The following FRMPD4 variants were observed in gnomAD, a reference collection of about 807,000 sequenced individuals.
FRMPD4 encodes the protein FERM and PDZ domain-containing protein 4.
Under a neutral mutation model 94.1 loss-of-function variants are expected in FRMPD4, and 22 were observed. The observed-to-expected ratio is 0.23, with a 90% confidence interval of 0.17 to 0.33. FRMPD4 has a LOEUF of 0.33. Ranked by LOEUF, FRMPD4 falls within the 10% of genes least tolerant of loss-of-function variation. The pLI is 1.00. For missense variants in FRMPD4, 1,111 were observed against 1,339.9 expected, an observed-to-expected ratio of 0.83 and a Z score of 2.67; for synonymous variants, 631 against 548.6, an observed-to-expected ratio of 1.15 and a Z score of -2.10.
chrX:12,714,697 C>T (rs2042047041), intron 14 of FRMPD4, among the ~76,000 whole-genome samples: 1 of 111,434 alleles, frequency 9.0e-6, no homozygotes, highest in Admixed American at 9.5e-5. Context: ...GCCCTAAACC[C>T]GCGTTACAAT....
intron 3 of FRMPD4, among the ~76,000 whole-genome samples, chrX:12,610,943 A>G (rs1398184891): frequency 9.0e-6 from 1 of 111,577 alleles, no homozygotes; most frequent in African/African-American, 3.3e-5. Flanking sequence ...AAGCATGAGA[A>G]GAAATGATCA....
At chrX:11,830,601 C>T (rs1463816888) in intron 1 of FRMPD4, among the ~76,000 whole-genome samples, 2 of 112,041 alleles carry the variant, frequency 1.8e-5, no homozygotes, top group African/African-American at 6.5e-5. Context: ...AGCTCCACAA[C>T]ATAAGTATTT....
chrX:11,905,946 C>A (rs1301754640), intron 3 of FRMPD4, among the ~76,000 whole-genome samples: 1 of 110,255 alleles, frequency 9.1e-6, no homozygotes, highest in Non-Finnish European at 1.9e-5. Flanking sequence ...ATGTAAATTT[C>A]AAGTATAATT....
chrX:12,583,921 C>T (rs142013468), intron 2 of FRMPD4, among the ~76,000 whole-genome samples: 2,368 of 111,350 alleles, frequency 0.021, 59 homozygotes, highest in African/African-American at 0.073. Context: ...CACCCAGTAG[C>T]TGCCGAATCG....
chrX:12,333,267 C>G (rs2055460813), intron 1 of FRMPD4, among the ~76,000 whole-genome samples: 1 of 110,992 alleles, frequency 9.0e-6, no homozygotes, highest in African/African-American at 3.3e-5. Flanking sequence ...ATTTTGCAAG[C>G]CTATATGATT....
chrX:12,048,352 T>C (rs895127353), intron 3 of FRMPD4, among the ~76,000 whole-genome samples: 1 of 112,310 alleles, frequency 8.9e-6, no homozygotes, highest in Non-Finnish European at 1.9e-5. Context: ...TTTTTGCTTG[T>C]TGCATTGTTT....
At chrX:12,130,420 C>T (rs1045539040) in intron 3 of FRMPD4, among the ~76,000 whole-genome samples, 2 of 110,502 alleles carry the variant, frequency 1.8e-5, no homozygotes, top group African/African-American at 3.3e-5. Flanking sequence ...GGTGGGTCCT[C>T]AGGTGGTCTT....
At chrX:12,175,715 T>C (rs1459803741) in intron 1 of FRMPD4, among the ~76,000 whole-genome samples, 1 of 111,598 alleles carries the variant, frequency 9.0e-6, no homozygotes, top group African/African-American at 3.3e-5. Context: ...GGTTTTGCCA[T>C]GTCGACCAGG....
At chrX:11,841,645 T>C (rs184685563) in intron 1 of FRMPD4, among the ~76,000 whole-genome samples, 2 of 111,533 alleles carry the variant, frequency 1.8e-5, no homozygotes, top group Non-Finnish European at 3.8e-5. Context: ...TTCCGGATAT[T>C]AGCCCTTTGT....
At chrX:12,627,220 G>T (rs2059355287) in intron 4 of FRMPD4, among the ~76,000 whole-genome samples, 1 of 111,986 alleles carries the variant, frequency 8.9e-6, no homozygotes, top group African/African-American at 3.2e-5. Context: ...AGGTTTTAGT[G>T]AGCCGAGATC....
chrX:12,537,447 T>A (rs1056008025), intron 2 of FRMPD4, among the ~76,000 whole-genome samples: 10 of 104,345 alleles, frequency 9.6e-5, no homozygotes, highest in Non-Finnish European at 1.7e-4. Flanking sequence ...ATATATATTT[T>A]TTTTTTCCTT....
chrX:12,331,194 G>A (rs1379818930), intron 1 of FRMPD4, among the ~76,000 whole-genome samples: 1 of 108,622 alleles, frequency 9.2e-6, no homozygotes, highest in Non-Finnish European at 1.9e-5. Context: ...TATTGTTAAG[G>A]GCTGTGCAAC....
intron 1 of FRMPD4, among the ~76,000 whole-genome samples, chrX:12,313,943 A>G (rs2055073703): frequency 8.9e-6 from 1 of 112,367 alleles, no homozygotes; most frequent in Non-Finnish European, 1.9e-5. Flanking sequence ...GTGTAATGTA[A>G]TGTAAATTTG....
intron 3 of FRMPD4, among the ~76,000 whole-genome samples, chrX:11,949,555 AG>A (rs1351082491): frequency 6.2e-5 from 7 of 112,207 alleles, no homozygotes; most frequent in Non-Finnish European, 9.4e-5. Flanking sequence ...ACCCTGCAAA[AG>A]TGTGTATATG....
intron 1 of FRMPD4, among the ~76,000 whole-genome samples, chrX:12,193,799 G>A (rs5979544): frequency 0.29 from 6,656 of 22,586 alleles, 1,607 homozygotes; most frequent in East Asian, 0.49. Context: ...AGGAAGGAAG[G>A]AAGGAAGGAA....
chrX:12,156,741 G>A (rs1159465508), intron 1 of FRMPD4, among the ~76,000 whole-genome samples: 2 of 112,239 alleles, frequency 1.8e-5, no homozygotes, highest in Admixed American at 9.4e-5. Flanking sequence ...TTTTCTTGGT[G>A]TTTATGAGGA....
At chrX:12,162,652 G>A (rs1212259098) in intron 1 of FRMPD4, among the ~76,000 whole-genome samples, 2 of 111,746 alleles carry the variant, frequency 1.8e-5, no homozygotes. Context: ...TCACAGTGGT[G>A]ATAACATATG....
At chrX:11,900,441 C>T (rs1236364312) in intron 3 of FRMPD4, among the ~76,000 whole-genome samples, 3 of 111,844 alleles carry the variant, frequency 2.7e-5, no homozygotes, top group African/African-American at 9.8e-5. Context: ...GGTTATCTGA[C>T]CTGGCAACTG....
At chrX:11,843,426 A>G (rs932397847) in intron 1 of FRMPD4, among the ~76,000 whole-genome samples, 3 of 111,788 alleles carry the variant, frequency 2.7e-5, no homozygotes, top group Non-Finnish European at 5.6e-5. Flanking sequence ...TCTATATGAT[A>G]TAAATCCTAC....
Sources: allele counts gnomAD v4.1 joint callset (sites outside exome capture counted in the v4.1 genomes callset), GRCh38; gene constraint gnomAD v4.1.1; transcripts MANE v1.5; gene names NCBI Gene and HGNC (gene_info 2026-07-23, HGNC 2026-07-21).